Variants in AZIN1 observed in about 807,000 individuals in gnomAD.
The protein encoded by AZIN1 is ornithine decarboxylase antizyme inhibitor.
A neutral mutation model predicts 47.4 loss-of-function variants in AZIN1; 12 were observed. That is an observed-to-expected ratio of 0.25 (90% CI 0.16 to 0.41). The LOEUF is 0.41. AZIN1 is among the 10% of genes least tolerant of loss of function. The pLI, the probability that AZIN1 is intolerant of heterozygous loss-of-function variation, is 1.00. For synonymous variants in AZIN1, 155 were observed against 176.3 expected (o/e 0.88, Z 0.96); for missense variants, 410 against 532.4 (o/e 0.77, Z 2.26).
intron 7 of AZIN1, 25 bp from the exon 8 acceptor site, chr8:102,834,288 A>G: frequency 6.3e-7 from 1 of 1,585,216 alleles, no homozygotes; most frequent in Non-Finnish European, 8.6e-7. Context: ...AAAAAATTTA[A>G]ATGTTTTTCC....
At chr8:102,851,352 CAT>C (rs1199943555) in intron 2 of AZIN1, among the ~76,000 whole-genome samples, 3 of 152,156 alleles carry the variant, frequency 2.0e-5, no homozygotes, top group East Asian at 1.9e-4. Context: ...CCAAGGAAAA[CAT>C]ATAGAATACA....
At chr8:102,844,344 TAAAA>T (rs34491786) in intron 2 of AZIN1, among the ~76,000 whole-genome samples, 2 of 144,296 alleles carry the variant, frequency 1.4e-5, no homozygotes, top group Non-Finnish European at 3.1e-5. Context: ...CCGTCTCTCC[TAAAA>T]AAAAAAAAAA....
chr8:102,835,098 T>C (rs1479788921), intron 6 of AZIN1: 1 of 173,444 alleles, frequency 5.8e-6, no homozygotes, highest in Non-Finnish European at 1.2e-5. Context: ...CGTATCACAT[T>C]CAGTTGAGCA....
chr8:102,857,508 T>C (rs1586208097), intron 2 of AZIN1, among the ~76,000 whole-genome samples: 1 of 152,018 alleles, frequency 6.6e-6, no homozygotes, highest in African/African-American at 2.4e-5. Flanking sequence ...CCAAGTATAG[T>C]CAAAAACTAT....
In AZIN1 at chr8:102,826,430, G is replaced by C. The variant is rs1193863697; in HGVS notation, c.*2137C>G. On this transcript the variant is annotated 3_prime_UTR_variant, in exon 12 of 12. Transcript: ENST00000337198. ...CCTTTACAGTTCAATTTACTATATA[G>C]AAATCATTGGGTTTTATATTTGCAG... The C allele has an allele frequency of 6.6e-6, 1 of 152,558 alleles. No homozygotes were observed. Among genetic ancestry groups the C allele is most frequent in the African/African-American group, 2.4e-5 (1 of 41,424 alleles). The allele number at this position is 152,558 out of a possible 1,614,324, so 9.5% of individuals were successfully genotyped here. A position where few individuals can be genotyped will look rare whatever the true frequency, so the allele number is the denominator to read the frequency against.
intron 1 of AZIN1, among the ~76,000 whole-genome samples, chr8:102,859,551 T>C (rs975395226): frequency 2.0e-5 from 3 of 147,412 alleles, no homozygotes; most frequent in African/African-American, 7.4e-5. Flanking sequence ...GGCTCTAGAA[T>C]TTGAAAGGCA....
chr8:102,843,206 A>C (rs1468011235), intron 3 of AZIN1, among the ~76,000 whole-genome samples: 1 of 33,256 alleles, frequency 3.0e-5, no homozygotes, highest in Non-Finnish European at 5.9e-5. Flanking sequence ...ACTCGTCTCC[A>C]AAAAAAAAAA....
At chr8:102,843,205 CAAAAAAA>C (rs10713233) in intron 3 of AZIN1, among the ~76,000 whole-genome samples, 2,367 of 97,284 alleles carry the variant, frequency 0.024, 71 homozygotes, top group African/African-American at 0.08. Context: ...GACTCGTCTC[CAAAAAAA>C]AAAAAAAAAA....
Position 102,834,269 on chromosome 8 carries a change from GA to G in AZIN1, c.667-7del. 6.2e-7 allele frequency: 1 copy of G among 1,604,306 alleles called. No homozygotes were observed. The highest frequency in any genetic ancestry group is 8.5e-7 in the Non-Finnish European group (1 of 1,176,878). On this transcript the variant is annotated splice_polypyrimidine_tract_variant and splice_region_variant and intron_variant, in intron 7 of 11. Coordinates refer to ENST00000337198, the MANE Select transcript of AZIN1 (RefSeq NM_148174.4). The stretch of plus-strand genomic sequence containing the variant: ...ATCGTAAAGCCAATTTCTCCCTAGA[GA>G]TGGAAAAAAAAAATTTAAATGTTTT...
intron 1 of AZIN1, among the ~76,000 whole-genome samples, chr8:102,862,999 G>A (rs938959846): frequency 2.6e-5 from 4 of 152,236 alleles, no homozygotes; most frequent in African/African-American, 9.6e-5. Flanking sequence ...CCATGGCGCG[G>A]ACGGAAAAAC....
chr8:102,842,397 C>T (rs957169869), intron 3 of AZIN1, among the ~76,000 whole-genome samples: 2 of 151,506 alleles, frequency 1.3e-5, no homozygotes, highest in Non-Finnish European at 2.9e-5. Flanking sequence ...ATGGCAAAAC[C>T]CCATCTACTA....
chr8:102,846,401 T>TA (rs1473180572), intron 2 of AZIN1, among the ~76,000 whole-genome samples: 1 of 152,246 alleles, frequency 6.6e-6, no homozygotes, highest in Non-Finnish European at 1.5e-5. Flanking sequence ...GACTGCCTGC[T>TA]AAGCTAGCTT....
At chr8:102,847,034 G>C (rs1281512944) in intron 2 of AZIN1, among the ~76,000 whole-genome samples, 1 of 152,164 alleles carries the variant, frequency 6.6e-6, no homozygotes, top group East Asian at 1.9e-4. Context: ...TTGTGGAGTT[G>C]ACTATTCATC....
chr8:102,843,475 C>A (rs761890517), intron 3 of AZIN1, 76 bp downstream of exon 3: 5 of 1,299,378 alleles, frequency 3.8e-6, no homozygotes, highest in Non-Finnish European at 5.5e-6. Context: ...GATCAGATTA[C>A]CATCTTGGAA....
chr8:102,830,034 TAA>T (rs1811334589), intron 9 of AZIN1, 98 bp from the exon 10 acceptor site: 2 of 835,322 alleles, frequency 2.4e-6, no homozygotes, highest in Non-Finnish European at 3.9e-6. Context: ...TATTTAAACT[TAA>T]AAAGACACAT....
At chr8:102,842,861 C>T (rs938849679) in intron 3 of AZIN1, among the ~76,000 whole-genome samples, 2 of 151,698 alleles carry the variant, frequency 1.3e-5, no homozygotes, top group Admixed American at 6.6e-5. Flanking sequence ...GAGCTGAGAT[C>T]GTGCCACTGA....
Position 102,829,407 on chromosome 8 carries a change from C to T in AZIN1, c.1100G>A (p.Ser367Asn). 1 of 1,614,068 alleles carries T rather than the reference C, an allele frequency of 6.2e-7. No homozygotes were observed. Among genetic ancestry groups the T allele is most frequent in the Non-Finnish European group, 8.5e-7 (1 of 1,179,952 alleles). Residue 367 changes from serine to asparagine, a missense_variant, in exon 11 of 12, where the codon AGC becomes AAC. Ser to Asn is a conservative substitution (Grantham distance 46). Transcript: ENST00000337198. ...SCDELDQIVE[S>N]CLLPELNVGD... ...CACATTCAGCTCAGGAAGAAGACAGCTTTCCACAATTTGATCAAGCTCATC... is the reference window on the plus strand; with the variant it reads ...CACATTCAGCTCAGGAAGAAGACAGTTTTCCACAATTTGATCAAGCTCATC...
intron 2 of AZIN1, among the ~76,000 whole-genome samples, chr8:102,853,125 T>C (rs1813025376): frequency 6.6e-6 from 1 of 152,270 alleles, no homozygotes; most frequent in Non-Finnish European, 1.5e-5. Flanking sequence ...AAGACTGTGA[T>C]GGAACACACA....
chr8:102,841,579 A>C (rs532493474), intron 3 of AZIN1, among the ~76,000 whole-genome samples: 9 of 152,136 alleles, frequency 5.9e-5, no homozygotes, highest in Admixed American at 1.3e-4. Flanking sequence ...CCAATATGTC[A>C]AGTTTTAACA....
Sources: gnomAD v4.1 joint callset for allele counts (sites outside exome capture counted in the v4.1 genomes callset) on GRCh38, gnomAD v4.1.1 for gene constraint, MANE v1.5 for transcripts, NCBI Gene and HGNC (gene_info 2026-07-23, HGNC 2026-07-21) for gene names.